FSTL4: variants seen among roughly 807,000 people sequenced by gnomAD.
FSTL4 encodes the protein follistatin like 4.
A neutral mutation model predicts 78.2 loss-of-function variants in FSTL4; 28 were observed. The observed-to-expected ratio is 0.36, with a 90% CI of 0.27 to 0.49. The LOEUF is 0.49. Among genes scored for constraint, FSTL4 ranks in the 20% least tolerant of loss-of-function variants. The probability of loss-of-function intolerance (pLI) is 0.98; values close to 1 mark genes in which losing one functional copy is unlikely to be tolerated. For missense variants in FSTL4, 922 were observed against 1,084.9 expected, an observed-to-expected ratio of 0.85 and a Z score of 2.11; for synonymous variants, 422 against 440.5, an observed-to-expected ratio of 0.96 and a Z score of 0.53.
chr5:133,218,990 T>G (rs913083262), intron 12 of FSTL4, among the ~76,000 whole-genome samples: 3 of 152,210 alleles, frequency 2.0e-5, no homozygotes, highest in African/African-American at 7.2e-5. Context: ...AATAAATGAG[T>G]GTAAAAGGGG....
At chr5:133,399,329 C>T (rs983983427) in intron 4 of FSTL4, among the ~76,000 whole-genome samples, 1 of 152,172 alleles carries the variant, frequency 6.6e-6, no homozygotes, top group African/African-American at 2.4e-5. Flanking sequence ...ATTTTGGCCT[C>T]ATTTCCATAA....
the FSTL4 span, among the ~76,000 whole-genome samples, chr5:133,752,052 A>G: frequency 1.3e-5 from 2 of 152,284 alleles, no homozygotes; most frequent in East Asian, 3.9e-4. Context: ...TTCCAGGCAC[A>G]CTGGAGATGC....
At chr5:133,470,241 G>A (rs2112847673) in intron 3 of FSTL4, among the ~76,000 whole-genome samples, 1 of 152,312 alleles carries the variant, frequency 6.6e-6, no homozygotes, top group South Asian at 2.1e-4. Context: ...CAGTACCACA[G>A]ATGAGCTGAA....
chr5:133,573,557 A>T (rs1393547399), intron 2 of FSTL4, among the ~76,000 whole-genome samples: 1 of 152,240 alleles, frequency 6.6e-6, no homozygotes, highest in Non-Finnish European at 1.5e-5. Context: ...CTAGTAGCAT[A>T]GTCTAAATAT....
intron 6 of FSTL4, among the ~76,000 whole-genome samples, chr5:133,283,504 C>T (rs1370012322): frequency 2.6e-5 from 4 of 152,208 alleles, no homozygotes; most frequent in Admixed American, 2.6e-4. Context: ...TCTCTCTCAC[C>T]TTCTTGTTCA....
chr5:133,248,092 CCTT>C (rs1214856642), intron 7 of FSTL4: 1 of 152,240 alleles, frequency 6.6e-6, no homozygotes, highest in Non-Finnish European at 1.5e-5. Flanking sequence ...TGCATATGCC[CCTT>C]GGGATAAGGA....
chr5:133,331,207 C>T (rs1754337713), intron 4 of FSTL4, among the ~76,000 whole-genome samples: 2 of 152,188 alleles, frequency 1.3e-5, no homozygotes, highest in Non-Finnish European at 2.9e-5. Flanking sequence ...CCAAGACACC[C>T]CCAGGCAGGG....
the FSTL4 span, among the ~76,000 whole-genome samples, chr5:133,706,931 G>A: frequency 0.079 from 12,070 of 152,186 alleles, 533 homozygotes; most frequent in Middle Eastern, 0.16. Flanking sequence ...CTGGGCTCTC[G>A]GGAGGCCACA....
chr5:133,559,891 G>A (rs758817972), intron 3 of FSTL4, among the ~76,000 whole-genome samples: 3 of 152,186 alleles, frequency 2.0e-5, no homozygotes, highest in Non-Finnish European at 4.4e-5. Flanking sequence ...CAGCAAATAG[G>A]ACCAGGTATC....
Position 133,217,212 on chromosome 5 carries a change from C to T in FSTL4, c.1608+17G>A, listed in dbSNP as rs1472858226. 6.2e-7 allele frequency: 1 copy of T among 1,607,566 alleles called. No homozygotes were observed. On this transcript the variant is annotated intron_variant, in intron 13 of 15. Transcript: ENST00000265342. Reference sequence around the variant, plus strand: ...CCCAGAATTTGAAGTTTTCCTCACTCCATTAAAGAGGTGTACCTGTAGGAC... The same window carrying T: ...CCCAGAATTTGAAGTTTTCCTCACTTCATTAAAGAGGTGTACCTGTAGGAC...
rs572437629 is a variant in FSTL4, at chr5:133,589,966, A to G, written c.126+13892T>C. 2.0e-5 allele frequency among the ~76,000 whole-genome samples: 3 copies of G among 152,286 alleles called. No individual in the cohort carries two copies. The South Asian group carries it at 6.2e-4, about 32-fold the overall frequency. ...AATAATACCTCATAGACTCTCTTTG[A>G]GAAGTCAATGAATTAATCTACTTAG... is the stretch of plus-strand genomic sequence containing the variant. On this transcript the variant is annotated intron_variant, in intron 2 of 15. Coordinates refer to ENST00000265342, the MANE Select transcript of FSTL4 (RefSeq NM_015082.2).
At chr5:133,566,422 G>A (rs1021109529) in intron 3 of FSTL4, among the ~76,000 whole-genome samples, 1 of 152,100 alleles carries the variant, frequency 6.6e-6, no homozygotes, top group Non-Finnish European at 1.5e-5. Flanking sequence ...CACAGAGAAG[G>A]ATGTGGTGAA....
At chr5:133,712,066 G>A in the FSTL4 span, among the ~76,000 whole-genome samples, 3 of 152,268 alleles carry the variant, frequency 2.0e-5, no homozygotes, top group South Asian at 2.1e-4. Flanking sequence ...CCAAGAACAA[G>A]TGCCATACAA....
chr5:133,233,711 C>G (rs1313959910), intron 7 of FSTL4, among the ~76,000 whole-genome samples, 174 bp from the exon 8 acceptor site: 1 of 152,228 alleles, frequency 6.6e-6, no homozygotes, highest in African/African-American at 2.4e-5. Context: ...GCAGCAACCC[C>G]ATCTTGCCTC....
intron 4 of FSTL4, among the ~76,000 whole-genome samples, chr5:133,329,448 G>C (rs1457068227): frequency 2.0e-5 from 3 of 152,064 alleles, no homozygotes; most frequent in Non-Finnish European, 4.4e-5. Flanking sequence ...ACCTGTAACA[G>C]GTTCTGTTTG....
chr5:133,560,739 T>C (rs1759893675), intron 3 of FSTL4, among the ~76,000 whole-genome samples: 1 of 151,128 alleles, frequency 6.6e-6, no homozygotes, highest in South Asian at 2.1e-4. Flanking sequence ...AATTAGAGCA[T>C]AAAGTTAAAG....
chr5:133,279,350 G>A (rs1465037935), intron 6 of FSTL4, among the ~76,000 whole-genome samples: 1 of 152,226 alleles, frequency 6.6e-6, no homozygotes, highest in Non-Finnish European at 1.5e-5. Context: ...AGAATCTAAT[G>A]CCTGATGATC....
intron 2 of FSTL4, among the ~76,000 whole-genome samples, chr5:133,576,403 C>T (rs1760279864): frequency 6.6e-6 from 1 of 152,142 alleles, no homozygotes; most frequent in Non-Finnish European, 1.5e-5. Context: ...AAAATATTGG[C>T]TATGTGGGTT....
At chr5:133,668,610 T>C in the FSTL4 span, among the ~76,000 whole-genome samples, 1 of 152,192 alleles carries the variant, frequency 6.6e-6, no homozygotes, top group Non-Finnish European at 1.5e-5. Context: ...CTAGACCTTC[T>C]GACACTGGTT....
Sources: gnomAD v4.1 joint callset for allele counts (sites outside exome capture counted in the v4.1 genomes callset) on GRCh38, gnomAD v4.1.1 for gene constraint, MANE v1.5 for transcripts, NCBI Gene and HGNC (gene_info 2026-07-23, HGNC 2026-07-21) for gene names.